NEK10: variants seen among roughly 807,000 people sequenced by gnomAD.
NEK10 encodes NIMA related kinase 10.
Under a neutral mutation model 159.8 loss-of-function variants are expected in NEK10, and 122 were observed. That is an observed-to-expected ratio of 0.76 (90% CI 0.66 to 0.89). The LOEUF is 0.89. NEK10 is among the 40% of genes least tolerant of loss of function. The pLI is 0.00. For synonymous variants in NEK10, 466 were observed against 457.1 expected, an observed-to-expected ratio of 1.02 and a Z score of -0.25; for missense variants, 1,342 against 1,323.1, an observed-to-expected ratio of 1.01 and a Z score of -0.22.
At chr3:27,198,264 A>C (rs1949730704) in intron 25 of NEK10, among the ~76,000 whole-genome samples, 1 of 151,592 alleles carries the variant, frequency 6.6e-6, no homozygotes, top group Non-Finnish European at 1.5e-5. Flanking sequence ...TCTTCACACC[A>C]CTAAAAAAAG....
chr3:27,222,356 G>C (rs563967114), intron 23 of NEK10, among the ~76,000 whole-genome samples: 1 of 152,308 alleles, frequency 6.6e-6, no homozygotes, highest in South Asian at 2.1e-4. Context: ...CTGGGCGACA[G>C]CGAGACTCCG....
chr3:27,317,842 G>C lies in NEK10; in HGVS notation c.448-3504C>G, dbSNP rs562190259. ...TTTTGAGACAGAGTCTCCCTCTGTT[G>C]CCCAGGCTGGAGTGCAGTGGCGCGA... On this transcript the variant is annotated intron_variant, in intron 6 of 35. Coordinates refer to ENST00000691995, the MANE Select transcript of NEK10 (RefSeq NM_001394966.1). 1.8e-3 allele frequency among the ~76,000 whole-genome samples: 275 copies of C among 151,988 alleles called. 6 individuals are homozygous for C. Among genetic ancestry groups the C allele is most frequent in the Admixed American group, 0.013 (200 of 15,254 alleles).
rs762212307 is a variant in NEK10 at position 27,109,922 on chromosome 3, G to C, written c.*1350C>G. On this transcript the variant is annotated 3_prime_UTR_variant, in exon 36 of 36. Coordinates refer to ENST00000691995, the MANE Select transcript of NEK10 (RefSeq NM_001394966.1). ...TTAGTGCATGATTAAAGGGAATTTG[G>C]ATATAATTTAAGTATTAAATATGCT... 3.3e-5 allele frequency among the ~76,000 whole-genome samples: 5 copies of C among 152,112 alleles called. No individual in the cohort carries two copies. The highest frequency in any genetic ancestry group is 4.8e-5 in the African/African-American group (2 of 41,410).
intron 23 of NEK10, among the ~76,000 whole-genome samples, chr3:27,208,131 C>T (rs576760226): frequency 7.9e-5 from 12 of 151,740 alleles, no homozygotes; most frequent in African/African-American, 2.2e-4. Context: ...AAACCGTTGC[C>T]GAGAAATGGC....
chr3:27,276,011 C>G (rs2041744722), intron 22 of NEK10, among the ~76,000 whole-genome samples: 2 of 152,134 alleles, frequency 1.3e-5, no homozygotes, highest in Middle Eastern at 3.4e-3. Context: ...TTGTTTTAAG[C>G]ACTCTTTCTA....
intron 23 of NEK10, among the ~76,000 whole-genome samples, chr3:27,213,507 T>C (rs2149107945): frequency 6.6e-6 from 1 of 152,354 alleles, no homozygotes; most frequent in East Asian, 1.9e-4. Flanking sequence ...ATATGACTCC[T>C]AGGTTTTATA....
intron 35 of NEK10, among the ~76,000 whole-genome samples, chr3:27,115,584 T>C (rs867538963): frequency 1.2e-4 from 18 of 152,194 alleles, no homozygotes; most frequent in South Asian, 4.1e-4. Flanking sequence ...ATTTAAGTGA[T>C]AGGAGTGAGT....
At chr3:27,231,453 A>G (rs972914914) in intron 23 of NEK10, among the ~76,000 whole-genome samples, 1 of 151,892 alleles carries the variant, frequency 6.6e-6, no homozygotes, top group African/African-American at 2.4e-5. Flanking sequence ...AGAAACAGGA[A>G]CAAATTAAAC....
At chr3:27,310,664 G>C (rs1443871062) in intron 9 of NEK10, 2 of 291,760 alleles carry the variant, frequency 6.9e-6, no homozygotes, top group Non-Finnish European at 1.3e-5. Context: ...TTTATACATA[G>C]CTGGGGCTTT....
chr3:27,247,893 G>A (rs1377746770), intron 23 of NEK10, among the ~76,000 whole-genome samples: 1 of 147,462 alleles, frequency 6.8e-6, no homozygotes, highest in East Asian at 2.0e-4. Context: ...CACGGTGTAA[G>A]TTTGGAAGTA....
chr3:27,283,778 T>A (rs1192583550), intron 22 of NEK10, among the ~76,000 whole-genome samples: 1 of 152,208 alleles, frequency 6.6e-6, no homozygotes, highest in African/African-American at 2.4e-5. Flanking sequence ...ATAAAAACTC[T>A]ATGTTGAAAT....
intron 12 of NEK10, among the ~76,000 whole-genome samples, chr3:27,303,086 T>C (rs756112611): frequency 1.2e-4 from 18 of 152,170 alleles, no homozygotes; most frequent in Non-Finnish European, 2.6e-4. Context: ...AAAGAAACTG[T>C]TTATCCAGCT....
At chr3:27,134,461 A>G (rs1315899335) in intron 31 of NEK10, among the ~76,000 whole-genome samples, 5 of 152,220 alleles carry the variant, frequency 3.3e-5, no homozygotes, top group African/African-American at 1.2e-4. Flanking sequence ...CTCTGCTATG[A>G]CAAACTTTTG....
intron 5 of NEK10, among the ~76,000 whole-genome samples, chr3:27,327,297 A>G (rs1050359931): frequency 6.6e-5 from 10 of 152,222 alleles, no homozygotes; most frequent in African/African-American, 1.7e-4. Flanking sequence ...GTCTGCAAAG[A>G]TAGTATTTCT....
chr3:27,150,294 A>AAAC (rs1381045097), intron 30 of NEK10, among the ~76,000 whole-genome samples: 2 of 152,244 alleles, frequency 1.3e-5, no homozygotes, highest in African/African-American at 4.8e-5. Context: ...AAGGTAGACA[A>AAAC]AACAGCCTTT....
rs1366144153 is a variant in NEK10, at chr3:27,322,222, T to C, written c.402A>G (p.Arg134=). The C allele has an allele frequency of 6.4e-7, 1 of 1,567,520 alleles. No homozygotes were observed. Among genetic ancestry groups the C allele is most frequent in the Non-Finnish European group, 8.7e-7 (1 of 1,152,638 alleles). The change falls in exon 6 of 36, where the codon AGA becomes AGG. Residue 134 remains arginine, a synonymous_variant. Coordinates refer to ENST00000691995, the MANE Select transcript of NEK10 (RefSeq NM_001394966.1). The part of the protein sequence containing the change: ...VNRAPSIHFL[R]VLICLRLLMR... ...TTAGTAGCCTCAGACAGATTAACAC[T>C]CTCAGAAAATGAATAGATGGGGCTC...
chr3:27,256,422 C>A, intron 22 of NEK10, 51 bp from the exon 23 acceptor site: 1 of 1,136,618 alleles, frequency 8.8e-7, no homozygotes, highest in Non-Finnish European at 1.2e-6. Context: ...CCAGAGTTAT[C>A]ATTGTTCCTT....
intron 22 of NEK10, among the ~76,000 whole-genome samples, chr3:27,264,408 C>G (rs765150419): frequency 2.3e-4 from 35 of 152,216 alleles, no homozygotes; most frequent in African/African-American, 8.4e-4. Context: ...GTAAGTAAAT[C>G]AAATCCAGTG....
chr3:27,204,009 T>A (rs1357937602), intron 23 of NEK10, among the ~76,000 whole-genome samples: 1 of 151,832 alleles, frequency 6.6e-6, no homozygotes, highest in Non-Finnish European at 1.5e-5. Context: ...AAAAAAAAAA[T>A]GCTTTAACAA....
Sources: allele counts gnomAD v4.1 joint callset (sites outside exome capture counted in the v4.1 genomes callset), GRCh38; gene constraint gnomAD v4.1.1; transcripts MANE v1.5; gene names NCBI Gene and HGNC (gene_info 2026-07-23, HGNC 2026-07-21).